The following CRACDL variants were observed in gnomAD, a reference collection of about 807,000 sequenced individuals.
CRACDL encodes CRACD like.
A neutral mutation model predicts 70.6 loss-of-function variants in CRACDL; 26 were observed. The ratio of observed to expected loss-of-function variants is 0.37; its 90% CI spans 0.27 to 0.51. The LOEUF is 0.51. Ranked by LOEUF, CRACDL falls within the 20% of genes least tolerant of loss-of-function variation. The pLI is 0.94. For synonymous variants in CRACDL, 618 were observed against 615.2 expected (o/e 1.00, Z -0.07); for missense variants, 1,283 against 1,376.9 (o/e 0.93, Z 1.08).
intron 1 of CRACDL, among the ~76,000 whole-genome samples, chr2:98,872,622 T>C (rs545922348): frequency 6.6e-6 from 1 of 152,282 alleles, no homozygotes; most frequent in African/African-American, 2.4e-5. Flanking sequence ...AAAATAAAAG[T>C]GAGAATGTAT....
intron 1 of CRACDL, among the ~76,000 whole-genome samples, chr2:98,930,174 G>A (rs554557050): frequency 6.4e-4 from 97 of 152,190 alleles, no homozygotes; most frequent in Non-Finnish European, 9.9e-4. Flanking sequence ...CCTCCCATCC[G>A]TGGCCCCCAT....
intron 1 of CRACDL, among the ~76,000 whole-genome samples, chr2:98,929,960 T>C (rs10208260): frequency 0.38 from 58,248 of 151,842 alleles, 11,681 homozygotes; most frequent in African/African-American, 0.5. Context: ...AGGTGCTCGA[T>C]ACCACGATAC....
intron 1 of CRACDL, among the ~76,000 whole-genome samples, chr2:98,872,573 T>C (rs1434099385): frequency 6.6e-6 from 1 of 152,144 alleles, no homozygotes; most frequent in African/African-American, 2.4e-5. Flanking sequence ...GCAAAAAACC[T>C]GCACTTGTAC....
chr2:98,803,069 G>A (rs1878584), intron 7 of CRACDL, among the ~76,000 whole-genome samples: 22,565 of 148,928 alleles, frequency 0.15, 2,227 homozygotes, highest in East Asian at 0.36. Flanking sequence ...GCGCAATCTA[G>A]GCTCACTGCA....
chr2:98,795,104 C>A (rs1703762936), intron 9 of CRACDL, among the ~76,000 whole-genome samples: 1 of 61,618 alleles, frequency 1.6e-5, no homozygotes, highest in Non-Finnish European at 3.2e-5. Context: ...AGACAGAAGT[C>A]TCACTGTGTT....
intron 1 of CRACDL, among the ~76,000 whole-genome samples, chr2:98,914,594 C>T (rs77580654): frequency 1.3e-5 from 2 of 152,172 alleles, no homozygotes; most frequent in Non-Finnish European, 2.9e-5. Context: ...CAGGAGCTTG[C>T]GCAGGGCACA....
At chr2:98,800,283 G>A (rs1022382768) in intron 7 of CRACDL, among the ~76,000 whole-genome samples, 3 of 152,194 alleles carry the variant, frequency 2.0e-5, no homozygotes, top group Non-Finnish European at 4.4e-5. Context: ...CTGGTGAGTG[G>A]GAGTAGGGGT....
intron 2 of CRACDL, 51 bp from the exon 3 acceptor site, chr2:98,838,338 TTA>T (rs768869810): frequency 6.4e-6 from 7 of 1,088,714 alleles, no homozygotes; most frequent in African/African-American, 1.6e-5. Context: ...CAGTGTGTGT[TTA>T]TGTGCATGTA....
At chr2:98,911,869 C>T (rs562929008) in intron 1 of CRACDL, among the ~76,000 whole-genome samples, 1 of 152,304 alleles carries the variant, frequency 6.6e-6, no homozygotes, top group South Asian at 2.1e-4. Flanking sequence ...TCGCATATGG[C>T]TACGGGAAAC....
At chr2:98,848,180 C>T (rs1419388654) in intron 1 of CRACDL, among the ~76,000 whole-genome samples, 2 of 152,188 alleles carry the variant, frequency 1.3e-5, no homozygotes, top group Admixed American at 6.5e-5. Flanking sequence ...GACATCCTTG[C>T]TTTCATCATC....
chr2:98,886,147 G>A (rs1400910645), intron 1 of CRACDL, among the ~76,000 whole-genome samples: 1 of 152,164 alleles, frequency 6.6e-6, no homozygotes, highest in East Asian at 1.9e-4. Context: ...CTGCTGGAAG[G>A]GGACAACTGG....
At chr2:98,922,438 C>CAAAAAA (rs565954351) in intron 1 of CRACDL, among the ~76,000 whole-genome samples, 3 of 63,320 alleles carry the variant, frequency 4.7e-5, no homozygotes, top group Non-Finnish European at 6.8e-5. Flanking sequence ...GACTCCGTCT[C>CAAAAAA]AAAAAAAAAA....
chr2:98,893,115 C>A (rs551717138), intron 1 of CRACDL, among the ~76,000 whole-genome samples: 1 of 152,124 alleles, frequency 6.6e-6, no homozygotes, highest in African/African-American at 2.4e-5. Flanking sequence ...CAGCAGGGAG[C>A]GGGGCACAGG....
chr2:98,908,063 C>T (rs143320885), intron 1 of CRACDL, among the ~76,000 whole-genome samples: 249 of 152,362 alleles, frequency 1.6e-3, no homozygotes, highest in Middle Eastern at 6.8e-3. Flanking sequence ...TCAGGTAGAA[C>T]ATGCAGTTTT....
intron 1 of CRACDL, among the ~76,000 whole-genome samples, chr2:98,934,307 C>T (rs1210004263): frequency 6.6e-6 from 1 of 151,696 alleles, no homozygotes. Context: ...CAAGCAATTC[C>T]CCTGCCTCGG....
At chr2:98,876,467 G>C (rs1707490965) in intron 1 of CRACDL, among the ~76,000 whole-genome samples, 1 of 152,160 alleles carries the variant, frequency 6.6e-6, no homozygotes, top group African/African-American at 2.4e-5. Flanking sequence ...TGTCAGGTCA[G>C]CAGCGGCATT....
At chr2:98,858,038 G>A (rs1478820381) in intron 1 of CRACDL, among the ~76,000 whole-genome samples, 3 of 152,142 alleles carry the variant, frequency 2.0e-5, no homozygotes, top group Non-Finnish European at 2.9e-5. Context: ...TCATAAATAA[G>A]TGGAAATTAT....
At chr2:98,910,182 C>T (rs1292828508) in intron 1 of CRACDL, among the ~76,000 whole-genome samples, 1 of 152,136 alleles carries the variant, frequency 6.6e-6, no homozygotes, top group Non-Finnish European at 1.5e-5. Context: ...GGACCTCCCA[C>T]TTCCCCATTG....
At chr2:98,901,774 A>G (rs946802361) in intron 1 of CRACDL, among the ~76,000 whole-genome samples, 4 of 152,198 alleles carry the variant, frequency 2.6e-5, no homozygotes, top group African/African-American at 9.7e-5. Flanking sequence ...GTGTGCATCA[A>G]GCGACCTGAT....
Sources: gnomAD v4.1 joint callset for allele counts (sites outside exome capture counted in the v4.1 genomes callset) on GRCh38, gnomAD v4.1.1 for gene constraint, MANE v1.5 for transcripts, NCBI Gene and HGNC (gene_info 2026-07-23, HGNC 2026-07-21) for gene names.